ARSB: variants seen among roughly 807,000 people sequenced by gnomAD.
ARSB encodes arylsulfatase B.
A neutral mutation model predicts 50.9 loss-of-function variants in ARSB; 41 were observed. That is an observed-to-expected ratio of 0.81 (90% CI 0.63 to 1.04). The LOEUF (loss-of-function observed/expected upper bound fraction) is 1.04. Ranked by LOEUF, ARSB falls within the 50% of genes least tolerant of loss-of-function variation. The pLI is 0.00. For synonymous variants in ARSB, 269 were observed against 284.8 expected, an observed-to-expected ratio of 0.94 and a Z score of 0.56; for missense variants, 672 against 693.3, an observed-to-expected ratio of 0.97 and a Z score of 0.35.
chr5:78,842,383 A>G (rs1238147318), intron 5 of ARSB, among the ~76,000 whole-genome samples: 1 of 152,194 alleles, frequency 6.6e-6, no homozygotes, highest in Non-Finnish European at 1.5e-5. Flanking sequence ...GGCAGAGACA[A>G]TGGTCATTAG....
intron 5 of ARSB, among the ~76,000 whole-genome samples, chr5:78,865,325 G>A (rs1746668975): frequency 6.6e-6 from 1 of 152,186 alleles, no homozygotes; most frequent in African/African-American, 2.4e-5. Flanking sequence ...AAGGCTTGGG[G>A]CTTACACCCT....
intron 5 of ARSB, among the ~76,000 whole-genome samples, chr5:78,840,828 C>A (rs563362314): frequency 6.6e-6 from 1 of 152,066 alleles, no homozygotes; most frequent in African/African-American, 2.4e-5. Flanking sequence ...CATTTTCTTT[C>A]GGAGACACTT....
intron 1 of ARSB, among the ~76,000 whole-genome samples, chr5:78,974,299 C>T (rs1215993607): frequency 1.3e-5 from 2 of 152,154 alleles, no homozygotes; most frequent in Non-Finnish European, 2.9e-5. Flanking sequence ...AGAACTGGCC[C>T]GTGTCACTGA....
intron 4 of ARSB, among the ~76,000 whole-genome samples, chr5:78,951,394 A>C (rs1218645897): frequency 6.6e-6 from 1 of 152,146 alleles, no homozygotes; most frequent in Non-Finnish European, 1.5e-5. Context: ...GCATTGCAAA[A>C]AAACTAAAAA....
intron 1 of ARSB, among the ~76,000 whole-genome samples, chr5:78,978,115 G>A (rs1445585420): frequency 1.3e-5 from 2 of 152,176 alleles, no homozygotes; most frequent in Non-Finnish European, 2.9e-5. Flanking sequence ...AAGGCAGGTG[G>A]ATCATTTGAG....
chr5:78,904,006 A>G (rs1267077188), intron 4 of ARSB, among the ~76,000 whole-genome samples: 1 of 152,210 alleles, frequency 6.6e-6, no homozygotes, highest in Non-Finnish European at 1.5e-5. Flanking sequence ...GACAAATTGT[A>G]CACCCAGCCT....
At chr5:78,881,745 A>G (rs1747755668) in intron 5 of ARSB, among the ~76,000 whole-genome samples, 1 of 152,236 alleles carries the variant, frequency 6.6e-6, no homozygotes, top group Admixed American at 6.5e-5. Flanking sequence ...CCTTTTTAGA[A>G]AGCAGTTTGG....
intron 1 of ARSB, among the ~76,000 whole-genome samples, chr5:78,979,195 AAAG>A (rs1180013287): frequency 2.6e-5 from 4 of 152,242 alleles, no homozygotes; most frequent in African/African-American, 4.8e-5. Context: ...ACATTTCTCC[AAAG>A]AAGACATAAA....
intron 6 of ARSB, among the ~76,000 whole-genome samples, chr5:78,803,103 T>G (rs920952368): frequency 6.6e-6 from 1 of 152,242 alleles, no homozygotes; most frequent in African/African-American, 2.4e-5. Context: ...AACACTTATC[T>G]GAATGCAATA....
At chr5:78,924,115 C>G (rs1018673735) in intron 4 of ARSB, among the ~76,000 whole-genome samples, 1 of 152,176 alleles carries the variant, frequency 6.6e-6, no homozygotes, top group South Asian at 2.1e-4. Context: ...GGCAAAAGCC[C>G]AGATAGTGAT....
upstream of ARSB, chr5:78,985,483 T>C: frequency 3.3e-6 from 1 of 298,510 alleles, no homozygotes; most frequent in Non-Finnish European, 6.1e-6. Context: ...GCCCGGCTTC[T>C]TGGAAACTCA....
At chr5:78,922,192 G>C (rs955507329) in intron 4 of ARSB, among the ~76,000 whole-genome samples, 2 of 149,480 alleles carry the variant, frequency 1.3e-5, no homozygotes, top group East Asian at 4.0e-4. Flanking sequence ...CTTAGAGCCA[G>C]TGGATTTGGT....
intron 6 of ARSB, among the ~76,000 whole-genome samples, chr5:78,806,976 C>G (rs1743589920): frequency 6.6e-6 from 1 of 152,228 alleles, no homozygotes; most frequent in Non-Finnish European, 1.5e-5. Context: ...TACTCTTTCT[C>G]CACTTTCCTG....
chr5:78,885,515 C>G, intron 5 of ARSB, 69 bp downstream of exon 5: 2 of 1,588,614 alleles, frequency 1.3e-6, no homozygotes, highest in South Asian at 1.1e-5. Flanking sequence ...AGCTATCATT[C>G]TTGCTCAATG....
intron 6 of ARSB, among the ~76,000 whole-genome samples, chr5:78,782,994 G>C (rs1748967627): frequency 6.6e-6 from 1 of 152,100 alleles, no homozygotes; most frequent in Non-Finnish European, 1.5e-5. Context: ...ATTATGAAAG[G>C]AGTGAACAAG....
intron 1 of ARSB, among the ~76,000 whole-genome samples, chr5:78,975,900 T>C (rs947962127): frequency 1.1e-4 from 16 of 152,150 alleles, no homozygotes; most frequent in African/African-American, 3.9e-4. Flanking sequence ...AAATATGTAT[T>C]AGGAATAACA....
chr5:78,880,920 C>T (rs1747716564), intron 5 of ARSB, among the ~76,000 whole-genome samples: 1 of 152,112 alleles, frequency 6.6e-6, no homozygotes, highest in African/African-American at 2.4e-5. Context: ...ACATAACACG[C>T]ACACCATCTT....
At chr5:78,896,763 C>T (rs1362419303) in intron 4 of ARSB, among the ~76,000 whole-genome samples, 3 of 151,958 alleles carry the variant, frequency 2.0e-5, no homozygotes. Flanking sequence ...TATAACATGC[C>T]TCTCAGGCTT....
chr5:78,860,820 G>T (rs2112097391), intron 5 of ARSB, among the ~76,000 whole-genome samples: 1 of 152,288 alleles, frequency 6.6e-6, no homozygotes, highest in African/African-American at 2.4e-5. Flanking sequence ...AATGAATCCA[G>T]GAGCTGGTTT....
Sources: allele counts gnomAD v4.1 joint callset (sites outside exome capture counted in the v4.1 genomes callset), GRCh38; gene constraint gnomAD v4.1.1; transcripts MANE v1.5; gene names NCBI Gene and HGNC (gene_info 2026-07-23, HGNC 2026-07-21).